The following BCAS3 variants were observed in gnomAD, a reference collection of about 807,000 sequenced individuals.
BCAS3 encodes BCAS3 microtubule associated cell migration factor, also known as BCAS4/BCAS3 fusion.
A neutral mutation model predicts 116.1 loss-of-function variants in BCAS3; 53 were observed. The ratio of observed to expected loss-of-function variants is 0.46; its 90% CI spans 0.37 to 0.57. The LOEUF (loss-of-function observed/expected upper bound fraction) is 0.57, where lower values mean the gene tolerates loss of function less well. Ranked by LOEUF, BCAS3 falls within the 20% of genes least tolerant of loss-of-function variation. BCAS3 has a pLI of 0.00. For missense variants in BCAS3, 917 were observed against 1,165.4 expected (o/e 0.79, Z 3.10); for synonymous variants, 391 against 408.2 (o/e 0.96, Z 0.51).
intron 22 of BCAS3, among the ~76,000 whole-genome samples, chr17:61,290,500 C>A (rs933457049): frequency 2.6e-5 from 4 of 152,096 alleles, no homozygotes; most frequent in African/African-American, 9.7e-5. Context: ...CACTTACTAA[C>A]CAAAAATAAA....
intron 23 of BCAS3, among the ~76,000 whole-genome samples, chr17:61,375,569 CTTTTT>C (rs909845597): frequency 7.3e-6 from 1 of 136,550 alleles, no homozygotes; most frequent in Admixed American, 7.4e-5. Context: ...TGTTAATTAT[CTTTTT>C]TTTTTTTTTT....
chr17:60,717,700 T>C (rs1459167011), intron 5 of BCAS3, among the ~76,000 whole-genome samples: 2 of 152,312 alleles, frequency 1.3e-5, no homozygotes, highest in East Asian at 1.9e-4. Flanking sequence ...AAATTACTTA[T>C]ACCCGCCATC....
intron 7 of BCAS3, among the ~76,000 whole-genome samples, chr17:60,851,177 G>T (rs1199875497): frequency 6.6e-6 from 1 of 152,192 alleles, no homozygotes; most frequent in African/African-American, 2.4e-5. Flanking sequence ...GGAAATATTG[G>T]TGAAAGACAC....
chr17:60,944,684 G>A (rs1022837601), intron 13 of BCAS3, among the ~76,000 whole-genome samples: 4 of 151,896 alleles, frequency 2.6e-5, no homozygotes, highest in Admixed American at 6.6e-5. Flanking sequence ...GACCAAACGA[G>A]GCTTATCCCA....
intron 22 of BCAS3, among the ~76,000 whole-genome samples, chr17:61,255,536 C>G (rs1016186673): frequency 2.0e-5 from 3 of 152,204 alleles, no homozygotes; most frequent in Non-Finnish European, 4.4e-5. Context: ...CCATCCTTCT[C>G]CAGAAACACA....
rs375488521 is a variant in BCAS3, at chr17:61,239,793, T to C, written c.2426-128534T>C. Among the ~76,000 whole-genome samples the C allele has an allele frequency of 1.3e-5, 2 of 152,246 alleles. No individual in the cohort carries two copies. Among genetic ancestry groups the C allele is most frequent in the Admixed American group, 6.5e-5 (1 of 15,282 alleles). On this transcript the variant is annotated intron_variant, in intron 22 of 23. Coordinates refer to ENST00000407086, the MANE Select transcript of BCAS3 (RefSeq NM_017679.5). The surrounding 1 kb of genome is among the most constrained non-coding windows in gnomAD (Gnocchi z 4.2). ...ATTCTGGAGTTGATACCAGTTGGAATAGTAAAGACCAAAGGAGAAATTGTG... is the reference window on the plus strand; with the variant it reads ...ATTCTGGAGTTGATACCAGTTGGAACAGTAAAGACCAAAGGAGAAATTGTG...
At position 61,134,927 on chromosome 17, in the gene BCAS3, C is replaced by T. The variant is rs1259593404; in HGVS notation, c.2425+50363C>T. Among the ~76,000 whole-genome samples the T allele has an allele frequency of 1.3e-5, 2 of 151,944 alleles. No individual in the cohort carries two copies. The highest frequency in any genetic ancestry group is 1.9e-4 in the East Asian group (1 of 5,196). On this transcript the variant is annotated intron_variant, in intron 22 of 23. Transcript: ENST00000407086. This position sits in a 1 kb window ranked among gnomAD's most constrained non-coding sequence, Gnocchi z 4.6. ...TTTGAAATAAAACATTTGTACAAGT[C>T]AGTAAAAGTGATATACAGTATTTCT...
At chr17:60,879,349 C>T (rs2055903686) in intron 9 of BCAS3, among the ~76,000 whole-genome samples, 2 of 152,068 alleles carry the variant, frequency 1.3e-5, no homozygotes, top group South Asian at 4.2e-4. Context: ...AATGAAGGGA[C>T]TGTAAAATAA....
At chr17:60,910,831 A>T in intron 12 of BCAS3, 129 bp downstream of exon 12, 1 of 872,662 alleles carries the variant, frequency 1.1e-6, no homozygotes, top group Non-Finnish European at 1.6e-6. Flanking sequence ...ATTATTTCAA[A>T]TGAGGTTTTT....
At position 61,044,404 on chromosome 17, in the gene BCAS3, A is replaced by G. The variant is rs377002802; in HGVS notation, c.2029+3512A>G. 2.2e-3 allele frequency among the ~76,000 whole-genome samples: 321 copies of G among 146,706 alleles called. 1 individual carries two copies. Among genetic ancestry groups the G allele is most frequent in the African/African-American group, 7.1e-3 (277 of 38,872 alleles). On this transcript the variant is annotated intron_variant, in intron 19 of 23. Coordinates refer to ENST00000407086, the MANE Select transcript of BCAS3 (RefSeq NM_017679.5). ...GGAGCTCACAGTGAGCCGAGATTGCACCACTGCACTCCAGCCTGGGTGACA... is the reference window on the plus strand; with the variant it reads ...GGAGCTCACAGTGAGCCGAGATTGCGCCACTGCACTCCAGCCTGGGTGACA...
intron 13 of BCAS3, among the ~76,000 whole-genome samples, chr17:60,926,238 G>C (rs1455433307): frequency 6.6e-6 from 1 of 152,096 alleles, no homozygotes; most frequent in Non-Finnish European, 1.5e-5. Flanking sequence ...TTCAGAGCTG[G>C]TATAGTCATC....
intron 8 of BCAS3, among the ~76,000 whole-genome samples, chr17:60,870,468 A>G (rs1466583182): frequency 6.6e-6 from 1 of 152,174 alleles, no homozygotes; most frequent in Non-Finnish European, 1.5e-5. Context: ...TGTATCCTTG[A>G]AAATTCCTTC....
At chr17:60,924,341 T>C (rs2059257712) in intron 12 of BCAS3, 66 bp from the exon 13 acceptor site, 3 of 1,382,762 alleles carry the variant, frequency 2.2e-6, no homozygotes, top group South Asian at 1.2e-5. Flanking sequence ...TGCCTTCTTA[T>C]AGGCTTCAAG....
Position 61,078,334 on chromosome 17 carries a change from T to A in BCAS3, c.2132T>A (p.Val711Asp). ...ATCATCATTGCTACTCCATTCCAGGTTGAAATTGTAACACACACTGGACCC... is the reference window on the plus strand; with the variant it reads ...ATCATCATTGCTACTCCATTCCAGGATGAAATTGTAACACACACTGGACCC... ...GQEDEEWLSQ[V>D]EIVTHTGPHR... Residue 711 changes from valine (V) to aspartate (D), a missense_variant and splice_region_variant, in exon 21 of 24, where the codon GTT (valine) becomes GAT (aspartate). By Grantham distance (152) the Val-to-Asp change is radical. Transcript: ENST00000407086. 1 of 1,610,698 alleles carries A rather than the reference T, an allele frequency of 6.2e-7. No homozygotes were observed. The highest frequency in any genetic ancestry group is 8.5e-7 in the Non-Finnish European group (1 of 1,178,418).
At chr17:60,904,454 C>T (rs1195352092) in intron 11 of BCAS3, among the ~76,000 whole-genome samples, 2 of 151,880 alleles carry the variant, frequency 1.3e-5, no homozygotes, top group Non-Finnish European at 2.9e-5. Context: ...ATGCAAACTC[C>T]CCATTTTCTC....
At chr17:61,345,982 A>G (rs2057481040) in intron 22 of BCAS3, among the ~76,000 whole-genome samples, 2 of 152,182 alleles carry the variant, frequency 1.3e-5, no homozygotes, top group Non-Finnish European at 2.9e-5. Context: ...GCTGGAGTGA[A>G]GGTGAAGGTC....
chr17:61,373,735 G>GCCCCA (rs1379515693), intron 23 of BCAS3, among the ~76,000 whole-genome samples: 1 of 34,268 alleles, frequency 2.9e-5, no homozygotes, highest in African/African-American at 5.0e-5. Context: ...CCCAGCCCCT[G>GCCCCA]TTTAAAGTAT....
At chr17:61,176,042 G>A (rs1484688008) in intron 22 of BCAS3, among the ~76,000 whole-genome samples, 6 of 151,152 alleles carry the variant, frequency 4.0e-5, no homozygotes, top group Non-Finnish European at 7.4e-5. Context: ...CGGAGGCTGA[G>A]GTGGGAGGAT....
intron 7 of BCAS3, among the ~76,000 whole-genome samples, chr17:60,852,852 C>A (rs1006455046): frequency 6.6e-6 from 1 of 152,192 alleles, no homozygotes; most frequent in African/African-American, 2.4e-5. Flanking sequence ...AGTGGGACTG[C>A]AAAATTGTAC....
Sources: allele counts gnomAD v4.1 joint callset (sites outside exome capture counted in the v4.1 genomes callset), GRCh38; gene constraint gnomAD v4.1.1; non-coding constraint Gnocchi (gnomAD v3.1); transcripts MANE v1.5; gene names NCBI Gene and HGNC (gene_info 2026-07-23, HGNC 2026-07-21).